The following PTPN11 variants were observed in gnomAD, a reference collection of about 807,000 sequenced individuals.
PTPN11 encodes tyrosine-protein phosphatase non-receptor type 11.
Under a neutral mutation model 78.8 loss-of-function variants are expected in PTPN11, and 6 were observed. That is an observed-to-expected ratio of 0.08 (90% CI 0.04 to 0.15). The LOEUF is 0.15. Ranked by LOEUF, PTPN11 falls within the 10% of genes least tolerant of loss-of-function variation. The pLI, the probability that PTPN11 is intolerant of heterozygous loss-of-function variation, is 1.00. For missense variants in PTPN11, 386 were observed against 744.8 expected (o/e 0.52, Z 5.61); for synonymous variants, 221 against 263.5 (o/e 0.84, Z 1.56).
At chr12:112,466,626 A>G (rs535755160) in intron 6 of PTPN11, among the ~76,000 whole-genome samples, 2 of 152,328 alleles carry the variant, frequency 1.3e-5, no homozygotes, top group South Asian at 4.1e-4. Flanking sequence ...TGCTAGGATT[A>G]CAGGTGTGAG....
chr12:112,446,834 A>G (rs1301519351), intron 2 of PTPN11, among the ~76,000 whole-genome samples: 3 of 151,894 alleles, frequency 2.0e-5, no homozygotes, highest in Admixed American at 2.0e-4. Flanking sequence ...TCGGCCTCCC[A>G]AAGTGTTAGG....
At chr12:112,491,287 A>AC (rs397955385) in intron 13 of PTPN11, among the ~76,000 whole-genome samples, 3 of 151,710 alleles carry the variant, frequency 2.0e-5, no homozygotes, top group South Asian at 4.2e-4. Flanking sequence ...AAAAAAAAAA[A>AC]CCCTCAAATT....
chr12:112,471,677 A>G (rs1033159504), intron 6 of PTPN11, among the ~76,000 whole-genome samples: 11 of 151,640 alleles, frequency 7.3e-5, no homozygotes, highest in African/African-American at 2.7e-4. Flanking sequence ...GTGGGAAAAA[A>G]AAAACAAGAA....
intron 11 of PTPN11, chr12:112,486,930 A>G (rs2038687296): frequency 3.7e-6 from 5 of 1,356,062 alleles, no homozygotes; most frequent in African/African-American, 1.5e-5. Flanking sequence ...CTGGCTCTGC[A>G]GTTTCTCCTT....
chr12:112,443,452 G>A (rs376983243), intron 1 of PTPN11, among the ~76,000 whole-genome samples: 6 of 151,186 alleles, frequency 4.0e-5, no homozygotes, highest in South Asian at 2.1e-4. Context: ...TCCGTCTCCC[G>A]GGTTCAAGCG....
intron 13 of PTPN11, among the ~76,000 whole-genome samples, chr12:112,500,835 A>C (rs559461504): frequency 1.1e-4 from 17 of 152,286 alleles, no homozygotes; most frequent in African/African-American, 3.8e-4. Context: ...CAAGTGATCC[A>C]TCTGCTTTGG....
At chr12:112,433,522 A>C (rs2037744438) in intron 1 of PTPN11, among the ~76,000 whole-genome samples, 2 of 152,256 alleles carry the variant, frequency 1.3e-5, no homozygotes, top group Non-Finnish European at 2.9e-5. Flanking sequence ...AAAGTATGTA[A>C]AAATGATTGT....
At chr12:112,492,802 T>C (rs1468991670) in intron 13 of PTPN11, among the ~76,000 whole-genome samples, 7 of 152,160 alleles carry the variant, frequency 4.6e-5, no homozygotes, top group East Asian at 1.9e-4. Flanking sequence ...CAGATGTGAG[T>C]CACTGCGCCC....
chr12:112,491,920 T>C (rs541882938), intron 13 of PTPN11, among the ~76,000 whole-genome samples: 1 of 152,316 alleles, frequency 6.6e-6, no homozygotes, highest in East Asian at 1.9e-4. Flanking sequence ...TTGCCCCGGC[T>C]GGCCTTGAAC....
intron 2 of PTPN11, among the ~76,000 whole-genome samples, chr12:112,449,723 T>C (rs886567324): frequency 1.3e-5 from 2 of 152,142 alleles, no homozygotes; most frequent in African/African-American, 4.8e-5. Context: ...TATACAGTTA[T>C]TGTCACTTAA....
At position 112,469,855 on chromosome 12, in the gene PTPN11, A is replaced by G. The variant is rs979995620; in HGVS notation, c.757-3089A>G. On this transcript the variant is annotated intron_variant, in intron 6 of 15. Coordinates refer to ENST00000351677, the MANE Select transcript of PTPN11 (RefSeq NM_002834.5). The stretch of plus-strand genomic sequence containing the variant: ...TGAAATATATTTTGTGAAGGAGAAA[A>G]AGAGGAGTTCAGTTTAAAGAAACAA... Among the ~76,000 whole-genome samples, 13 of 152,134 alleles carry G rather than the reference A, an allele frequency of 8.5e-5. No homozygotes were observed. In the East Asian group the frequency reaches 2.3e-3, roughly 27 times the overall value.
At chr12:112,488,906 A>G in intron 12 of PTPN11, 118 bp from the exon 13 acceptor site, 1 of 1,381,764 alleles carries the variant, frequency 7.2e-7, no homozygotes. Context: ...CAACATGCTC[A>G]GTTAAAACAG....
At chr12:112,461,372 T>TG (rs1289862231) in intron 6 of PTPN11, among the ~76,000 whole-genome samples, 2 of 151,686 alleles carry the variant, frequency 1.3e-5, no homozygotes, top group African/African-American at 2.4e-5. Flanking sequence ...CTCACTGTGT[T>TG]GCTCAGGCTG....
intron 1 of PTPN11, among the ~76,000 whole-genome samples, chr12:112,445,839 C>T (rs1234994004): frequency 6.6e-6 from 1 of 151,888 alleles, no homozygotes; most frequent in Non-Finnish European, 1.5e-5. Context: ...TGGGTTTCTC[C>T]ATGTTGGTCA....
At chr12:112,428,119 A>G (rs924153984) in intron 1 of PTPN11, among the ~76,000 whole-genome samples, 10 of 152,160 alleles carry the variant, frequency 6.6e-5, no homozygotes, top group Non-Finnish European at 1.2e-4. Flanking sequence ...TCAAGTGCCT[A>G]CTATATACAT....
intron 7 of PTPN11, among the ~76,000 whole-genome samples, chr12:112,474,851 G>A (rs1019839551): frequency 4.6e-5 from 7 of 151,962 alleles, no homozygotes; most frequent in African/African-American, 7.3e-5. Context: ...GGCTGGTCTC[G>A]AATTCCTGGG....
At chr12:112,500,754 G>C (rs1344034502) in intron 13 of PTPN11, among the ~76,000 whole-genome samples, 2 of 152,038 alleles carry the variant, frequency 1.3e-5, no homozygotes, top group Non-Finnish European at 2.9e-5. Flanking sequence ...ACCACACTCA[G>C]CTAATTTTTG....
chr12:112,438,726 AC>A (rs1412874887), intron 1 of PTPN11, among the ~76,000 whole-genome samples: 4 of 152,022 alleles, frequency 2.6e-5, no homozygotes, highest in Non-Finnish European at 2.9e-5. Flanking sequence ...CAAGTGATCC[AC>A]CCACCTTGGC....
chr12:112,438,781 TCC>T (rs935939764), intron 1 of PTPN11, among the ~76,000 whole-genome samples: 4 of 152,154 alleles, frequency 2.6e-5, no homozygotes, highest in African/African-American at 9.6e-5. Flanking sequence ...CTGTGCCTGG[TCC>T]CTGGCTAATT....
Sources: allele counts gnomAD v4.1 joint callset (sites outside exome capture counted in the v4.1 genomes callset), GRCh38; gene constraint gnomAD v4.1.1; transcripts MANE v1.5; gene names NCBI Gene and HGNC (gene_info 2026-07-23, HGNC 2026-07-21).